SCFD2: variants seen among roughly 807,000 people sequenced by gnomAD.
The protein encoded by SCFD2 is sec1 family domain-containing protein 2.
In SCFD2, 54 loss-of-function variants were observed where a neutral mutation model predicts 58.9. The ratio of observed to expected loss-of-function variants is 0.92; its 90% CI spans 0.74 to 1.15. The LOEUF (loss-of-function observed/expected upper bound fraction) is 1.15. Ranked by LOEUF, SCFD2 falls within the 50% of genes most tolerant of loss-of-function variation. The pLI is 0.00. For missense variants in SCFD2, 805 were observed against 836.6 expected, an observed-to-expected ratio of 0.96 and a Z score of 0.47; for synonymous variants, 321 against 335.9, an observed-to-expected ratio of 0.96 and a Z score of 0.49.
At chr4:52,953,623 G>A (rs1412530155) in intron 5 of SCFD2, among the ~76,000 whole-genome samples, 2 of 152,190 alleles carry the variant, frequency 1.3e-5, no homozygotes, top group Non-Finnish European at 2.9e-5. Flanking sequence ...AGGAATGAAT[G>A]AGAAGATGAA....
chr4:53,123,476 G>A (rs1157484993), intron 5 of SCFD2, among the ~76,000 whole-genome samples: 1 of 146,728 alleles, frequency 6.8e-6, no homozygotes, highest in African/African-American at 2.5e-5. Context: ...AGACAGCTGA[G>A]GGAGCAGCCA....
chr4:53,284,708 T>G (rs1333584464), intron 3 of SCFD2, among the ~76,000 whole-genome samples: 1 of 152,196 alleles, frequency 6.6e-6, no homozygotes, highest in Non-Finnish European at 1.5e-5. Flanking sequence ...CATGCATATT[T>G]AAGTCAGCCA....
chr4:53,250,107 T>C (rs1390947575), intron 4 of SCFD2, among the ~76,000 whole-genome samples: 1 of 151,946 alleles, frequency 6.6e-6, no homozygotes, highest in Admixed American at 6.6e-5. Context: ...TGGAGGAAGA[T>C]CTACCAAGCA....
intron 5 of SCFD2, among the ~76,000 whole-genome samples, chr4:53,033,308 C>T (rs983785506): frequency 6.6e-6 from 1 of 151,978 alleles, no homozygotes; most frequent in African/African-American, 2.4e-5. Flanking sequence ...CTCTAGGACA[C>T]ATTTAAAGCA....
At chr4:52,943,535 G>C (rs1019716379) in intron 5 of SCFD2, among the ~76,000 whole-genome samples, 1 of 152,086 alleles carries the variant, frequency 6.6e-6, no homozygotes, top group Non-Finnish European at 1.5e-5. Context: ...CATGCAGTGA[G>C]TAACTTGTGC....
chr4:53,042,148 G>T (rs760190980), intron 5 of SCFD2, among the ~76,000 whole-genome samples: 4 of 152,058 alleles, frequency 2.6e-5, no homozygotes, highest in Admixed American at 1.3e-4. Context: ...TTACAAAGCT[G>T]GTCTCATTGG....
At chr4:53,228,191 T>C (rs1351886198) in intron 4 of SCFD2, among the ~76,000 whole-genome samples, 3 of 152,108 alleles carry the variant, frequency 2.0e-5, no homozygotes, top group South Asian at 2.1e-4. Flanking sequence ...TGGTGGTAGA[T>C]GGGGTGGTAG....
chr4:53,067,158 C>T (rs1723685162), intron 5 of SCFD2, among the ~76,000 whole-genome samples: 1 of 152,040 alleles, frequency 6.6e-6, no homozygotes, highest in African/African-American at 2.4e-5. Flanking sequence ...TGGTTTCCTT[C>T]TACTTTTTAT....
chr4:53,352,489 T>G (rs1734251286), intron 2 of SCFD2, 109 bp downstream of exon 2: 1 of 892,148 alleles, frequency 1.1e-6, no homozygotes, highest in African/African-American at 1.7e-5. Flanking sequence ...TGTGAAATTT[T>G]CAACCAGACC....
chr4:53,340,173 C>G (rs1189873556), intron 2 of SCFD2, among the ~76,000 whole-genome samples: 2 of 152,154 alleles, frequency 1.3e-5, no homozygotes, highest in Non-Finnish European at 2.9e-5. Context: ...GAGGCATCAC[C>G]TTACCTGGGA....
chr4:52,899,289 G>A (rs559943253), intron 7 of SCFD2, among the ~76,000 whole-genome samples: 90 of 152,258 alleles, frequency 5.9e-4, no homozygotes, highest in Non-Finnish European at 9.4e-4. Context: ...GGCTGGTACC[G>A]GTTGTTCCTT....
intron 8 of SCFD2, among the ~76,000 whole-genome samples, chr4:52,877,337 A>G (rs578037732): frequency 6.6e-6 from 1 of 152,116 alleles, no homozygotes; most frequent in East Asian, 1.9e-4. Flanking sequence ...GATGGAAAAC[A>G]GGGGCTTCTC....
rs185215400 is a variant in SCFD2, at chr4:52,899,739, G to T, written c.1842+7718C>A. ...AAGTTCTCCTGGATAATATCCTGCA[G>T]AGTGTTTTCCAACTTGGTTCCATTC... On this transcript the variant is annotated intron_variant, in intron 7 of 8. Transcript: ENST00000401642. Among the ~76,000 whole-genome samples the T allele has an allele frequency of 3.5e-4, 54 of 152,340 alleles. 3 individuals are homozygous for T. The East Asian group carries it at 8.7e-3, about 24-fold the overall frequency.
At chr4:53,114,554 A>G (rs566632654) in intron 5 of SCFD2, among the ~76,000 whole-genome samples, 1 of 152,274 alleles carries the variant, frequency 6.6e-6, no homozygotes, top group East Asian at 1.9e-4. Context: ...TTCTCATCAG[A>G]ACCTCTTGGA....
At chr4:53,360,209 A>G (rs1247887408) in intron 1 of SCFD2, among the ~76,000 whole-genome samples, 2 of 152,252 alleles carry the variant, frequency 1.3e-5, no homozygotes, top group African/African-American at 4.8e-5. Flanking sequence ...ATGTGGAAAC[A>G]TCTTTGAACC....
chr4:53,152,569 A>AG (rs759238436), intron 4 of SCFD2, among the ~76,000 whole-genome samples: 3 of 152,166 alleles, frequency 2.0e-5, no homozygotes, highest in African/African-American at 7.2e-5. Context: ...TGAGATTTGG[A>AG]GGGGGCAAAT....
At chr4:52,907,643 G>A (rs774397582) in intron 6 of SCFD2, 52 bp from the exon 7 acceptor site, 13 of 1,585,080 alleles carry the variant, frequency 8.2e-6, no homozygotes, top group East Asian at 2.2e-5. Context: ...TGTCTGGAGA[G>A]AGGACAGCTT....
At chr4:52,915,607 C>G (rs557315540) in intron 6 of SCFD2, among the ~76,000 whole-genome samples, 1 of 152,104 alleles carries the variant, frequency 6.6e-6, no homozygotes, top group Non-Finnish European at 1.5e-5. Context: ...ATCCATCCAC[C>G]CACCCAGGCT....
chr4:52,896,901 T>C (rs1423576161), intron 7 of SCFD2, among the ~76,000 whole-genome samples: 2 of 152,220 alleles, frequency 1.3e-5, no homozygotes, highest in Non-Finnish European at 2.9e-5. Flanking sequence ...GGATTCCTCG[T>C]ATTTTATTCT....
Sources: gnomAD v4.1 joint callset for allele counts (sites outside exome capture counted in the v4.1 genomes callset) on GRCh38, gnomAD v4.1.1 for gene constraint, MANE v1.5 for transcripts, NCBI Gene and HGNC (gene_info 2026-07-23, HGNC 2026-07-21) for gene names.